The following TACC2 variants were observed in gnomAD, a reference collection of about 807,000 sequenced individuals.
The protein encoded by TACC2 is transforming acidic coiled-coil-containing protein 2.
TACC2 carries 137 observed loss-of-function variants against 227.3 expected under a neutral mutation model. The ratio of observed to expected loss-of-function variants is 0.60; its 90% CI spans 0.52 to 0.69. The LOEUF is 0.69. Ranked by LOEUF, TACC2 falls within the 30% of genes least tolerant of loss-of-function variation. The pLI is 0.00. For synonymous variants in TACC2, 1,523 were observed against 1,487.5 expected, an observed-to-expected ratio of 1.02 and a Z score of -0.55; for missense variants, 3,470 against 3,694.4, an observed-to-expected ratio of 0.94 and a Z score of 1.57.
At chr10:122,074,374 C>T (rs909898881) in intron 3 of TACC2, among the ~76,000 whole-genome samples, 7 of 152,060 alleles carry the variant, frequency 4.6e-5, no homozygotes, top group Non-Finnish European at 1.0e-4. Flanking sequence ...CCCACTGTGC[C>T]CAGCCTAGGA....
intron 3 of TACC2, among the ~76,000 whole-genome samples, chr10:122,063,858 C>CACA (rs2077109819): frequency 8.0e-6 from 1 of 125,742 alleles, no homozygotes; most frequent in African/African-American, 3.2e-5. Context: ...ACACACACAC[C>CACA]CTTAAAGAAA....
chr10:122,182,258 G>A (rs560540959), intron 7 of TACC2, among the ~76,000 whole-genome samples: 152 of 152,324 alleles, frequency 1.0e-3, no homozygotes, highest in African/African-American at 2.7e-3. Flanking sequence ...TTTTGGATGC[G>A]TGAAATAGAC....
Position 122,143,681 on chromosome 10 carries a change from C to T in TACC2, c.5809C>T (p.Pro1937Ser), listed in dbSNP as rs1394526091. The change falls in exon 7 of 23, where the codon CCA (proline) becomes TCA (serine). Residue 1937 changes from proline (P) to serine (S), a missense_variant. Around this residue, in one of 10 missense-constraint regions of TACC2, gnomAD observed 1,924 missense variants for 1,978.3 expected, o/e 0.97. Transcript: ENST00000369005. ...DRVEASTPSC[P>S]DPAKDLSRSS... ...AGTAGAAGCTTCCACTCCCTCCTGC[C>T]CAGATCCGGCCAAGGACCTCAGCAG... The T allele has an allele frequency of 1.9e-6, 3 of 1,614,042 alleles. No individual in the cohort carries two copies. The African/African-American group carries it at 4.0e-5, about 22-fold the overall frequency.
At chr10:122,161,756 G>C (rs1390382160) in intron 7 of TACC2, among the ~76,000 whole-genome samples, 2 of 152,226 alleles carry the variant, frequency 1.3e-5, no homozygotes, top group Non-Finnish European at 2.9e-5. Context: ...TGTATTTTCT[G>C]AGTACGAGGC....
At chr10:122,134,797 C>T (rs1565400072) in intron 6 of TACC2, among the ~76,000 whole-genome samples, 1 of 152,224 alleles carries the variant, frequency 6.6e-6, no homozygotes, top group East Asian at 1.9e-4. Context: ...CACGAGGAAG[C>T]TCTGAGGAGA....
chr10:122,166,134 GT>G (rs1565482038), intron 7 of TACC2, among the ~76,000 whole-genome samples: 2 of 152,160 alleles, frequency 1.3e-5, no homozygotes, highest in South Asian at 4.1e-4. Flanking sequence ...CAAACACAGG[GT>G]GCGCACCTGC....
chr10:122,154,294 G>C (rs2092315337), intron 7 of TACC2, among the ~76,000 whole-genome samples: 2 of 152,248 alleles, frequency 1.3e-5, no homozygotes, highest in African/African-American at 2.4e-5. Context: ...TGGGGCATGG[G>C]TGTGTGTATA....
At chr10:122,175,006 G>T (rs554021564) in intron 7 of TACC2, among the ~76,000 whole-genome samples, 1 of 152,250 alleles carries the variant, frequency 6.6e-6, no homozygotes, top group African/African-American at 2.4e-5. Flanking sequence ...GTCTTATTCT[G>T]TTGCCCAGGC....
At position 122,084,612 on chromosome 10, in the gene TACC2, G is replaced by A. The variant is rs751286519; in HGVS notation, c.2112G>A (p.Arg704=). The change falls in exon 4 of 23, where the codon AGG becomes AGA. Residue 704 remains arginine (R), a synonymous_variant. Transcript: ENST00000369005. The part of the protein sequence containing the change: ...QPKCPDTLQS[R]EGLGRMESFL... ...AATGTCCTGACACCCTTCAGAGCAG[G>A]GAAGGATTGGGAAGAATGGAGTCTT... 3 of 1,613,852 alleles carry A rather than the reference G, an allele frequency of 1.9e-6. No individual in the cohort carries two copies.
chr10:122,190,894 C>T (rs1025781664), intron 7 of TACC2, among the ~76,000 whole-genome samples: 1 of 152,176 alleles, frequency 6.6e-6, no homozygotes, highest in African/African-American at 2.4e-5. Flanking sequence ...TATTACATTA[C>T]ATATCGTAAA....
intron 3 of TACC2, among the ~76,000 whole-genome samples, chr10:122,077,320 T>C (rs2078930912): frequency 6.6e-6 from 1 of 152,018 alleles, no homozygotes; most frequent in South Asian, 2.1e-4. Context: ...GGATATGATA[T>C]TGAAAGGAGA....
intron 3 of TACC2, among the ~76,000 whole-genome samples, chr10:122,062,252 C>G (rs1428106670): frequency 6.6e-6 from 1 of 151,854 alleles, no homozygotes; most frequent in Non-Finnish European, 1.5e-5. Context: ...CCAGGATGGT[C>G]TCAATCTCCT....
intron 7 of TACC2, among the ~76,000 whole-genome samples, chr10:122,186,608 G>T (rs2094202967): frequency 1.3e-5 from 2 of 150,224 alleles, no homozygotes; most frequent in Admixed American, 1.3e-4. Flanking sequence ...CTGCCTCTGG[G>T]TTTAAGTAAT....
chr10:122,213,223 C>A, intron 9 of TACC2: 1 of 970,654 alleles, frequency 1.0e-6, no homozygotes, highest in Non-Finnish European at 1.6e-6. Flanking sequence ...AAAGCTGGGG[C>A]ATTGCCCTAC....
At position 122,202,112 on chromosome 10, in the gene TACC2, A is replaced by G. The variant is rs370213764; in HGVS notation, c.5971+6936A>G. Among the ~76,000 whole-genome samples, 30 of 142,498 alleles carry G rather than the reference A, an allele frequency of 2.1e-4. No individual in the cohort carries two copies. In the East Asian group the frequency reaches 5.6e-3, roughly 26 times the overall value. The allele number at this position is 142,498 out of a possible 152,430, so 93.5% of individuals were successfully genotyped here. A position where few individuals can be genotyped will look rare whatever the true frequency, so the allele number is the denominator to read the frequency against. ...GTGATGTATACTGTCTACATTTCCC[A>G]TCTATAAGCTTTTGTTTTTCCTGGA... On this transcript the variant is annotated intron_variant, in intron 8 of 22. Transcript: ENST00000369005.
intron 2 of TACC2, among the ~76,000 whole-genome samples, chr10:122,037,927 T>G (rs1960936638): frequency 6.6e-6 from 1 of 152,046 alleles, no homozygotes; most frequent in Admixed American, 6.6e-5. Context: ...TGTTTGTTTG[T>G]TTGTTTGTTT....
Position 122,210,760 on chromosome 10 carries a change from C to T in TACC2, c.6335C>T (p.Ala2112Val), listed in dbSNP as rs1288126420. 2.5e-6 allele frequency: 4 copies of T among 1,613,916 alleles called. No individual in the cohort carries two copies. Among genetic ancestry groups the T allele is most frequent in the Non-Finnish European group, 3.4e-6 (4 of 1,180,020 alleles). ...GAGGCCGTGGCCCTTGCCCCAGATG[C>T]ATATAGCACGGGTTCCAGCAGTGCT... ...NPEAVALAPD[A>V]YSTGSSSASS... Residue 2112 changes from alanine to valine, a missense_variant, in exon 9 of 23, where the codon GCA (alanine) becomes GTA (valine). Ala to Val is a moderately conservative substitution (Grantham distance 64, BLOSUM62 0). Transcript: ENST00000369005. The surrounding 1 kb of genome is among the most constrained non-coding windows in gnomAD (Gnocchi z 4.6).
intron 7 of TACC2, among the ~76,000 whole-genome samples, chr10:122,172,710 C>T (rs1272060760): frequency 6.6e-6 from 1 of 152,148 alleles, no homozygotes; most frequent in Non-Finnish European, 1.5e-5. Flanking sequence ...CATGAATGGC[C>T]CTAAGACGCC....
intron 7 of TACC2, among the ~76,000 whole-genome samples, chr10:122,166,114 G>A (rs2093146082): frequency 6.6e-6 from 1 of 152,198 alleles, no homozygotes; most frequent in Non-Finnish European, 1.5e-5. Context: ...CAGGGCTGCA[G>A]GGATGGTGAC....
Sources: gnomAD v4.1 joint callset for allele counts (sites outside exome capture counted in the v4.1 genomes callset) on GRCh38, gnomAD v4.1.1 for gene constraint, gnomAD v4.1.1 regional missense constraint, Gnocchi (gnomAD v3.1) non-coding constraint, MANE v1.5 for transcripts, NCBI Gene and HGNC (gene_info 2026-07-23, HGNC 2026-07-21) for gene names.